Variants in GULP1 observed in about 807,000 individuals in gnomAD.
GULP1 encodes GULP PTB domain containing engulfment adaptor 1.
A neutral mutation model predicts 40.9 loss-of-function variants in GULP1; 19 were observed. That is an observed-to-expected ratio of 0.46 (90% confidence interval 0.32 to 0.68). The LOEUF (loss-of-function observed/expected upper bound fraction) is 0.68, where lower values mean the gene tolerates loss of function less well. Among genes scored for constraint, GULP1 ranks in the 30% least tolerant of loss-of-function variants. GULP1 has a pLI of 0.03. For synonymous variants in GULP1, 119 were observed against 117.6 expected, an observed-to-expected ratio of 1.01 and a Z score of -0.08; for missense variants, 312 against 362.2, an observed-to-expected ratio of 0.86 and a Z score of 1.12.
chr2:188,457,783 A>T (rs550176273), intron 2 of GULP1, among the ~76,000 whole-genome samples: 2 of 152,152 alleles, frequency 1.3e-5, no homozygotes, highest in African/African-American at 4.8e-5. Context: ...ATGACTATGC[A>T]TTCTTCTACT....
At chr2:188,569,212 G>A (rs1204530517) in intron 7 of GULP1, 27 bp from the exon 8 acceptor site, 1 of 1,105,694 alleles carries the variant, frequency 9.0e-7, no homozygotes, top group Non-Finnish European at 1.4e-6. Flanking sequence ...TTATTAAAAT[G>A]CAAATCTTTG....
intron 7 of GULP1, among the ~76,000 whole-genome samples, chr2:188,545,769 G>C (rs903916024): frequency 6.6e-6 from 1 of 151,904 alleles, no homozygotes; most frequent in Non-Finnish European, 1.5e-5. Context: ...AACTACACCA[G>C]TTAAAATATG....
At chr2:188,357,610 T>C (rs1484181697) in intron 1 of GULP1, among the ~76,000 whole-genome samples, 2 of 152,222 alleles carry the variant, frequency 1.3e-5, no homozygotes, top group Admixed American at 6.5e-5. Context: ...GAGGATAAAT[T>C]AGCACAGCTA....
At chr2:188,485,403 A>G (rs1045559149) in intron 4 of GULP1, among the ~76,000 whole-genome samples, 1 of 152,074 alleles carries the variant, frequency 6.6e-6, no homozygotes, top group Non-Finnish European at 1.5e-5. Flanking sequence ...ATATGGCCTC[A>G]TGAGTGATAA....
intron 1 of GULP1, among the ~76,000 whole-genome samples, chr2:188,364,788 A>G (rs1446679000): frequency 6.9e-6 from 1 of 144,182 alleles, no homozygotes; most frequent in African/African-American, 2.5e-5. Context: ...ATATATATAC[A>G]TATACATATC....
In GULP1 at chr2:188,584,016, G is replaced by A. The variant is rs561194192; in HGVS notation, c.610-249G>A. Among the ~76,000 whole-genome samples, 9 of 151,996 alleles carry A rather than the reference G, an allele frequency of 5.9e-5. No homozygotes were observed. The South Asian group carries it at 1.0e-3, about 18-fold the overall frequency. On this transcript the variant is annotated intron_variant, in intron 9 of 11. Coordinates refer to ENST00000409830, the MANE Select transcript of GULP1 (RefSeq NM_016315.4). ...ATTCATCTGGAATAATATTGTCACC[G>A]TTTTTGCCATCATCTTTGAGAGCAT...
intron 2 of GULP1, among the ~76,000 whole-genome samples, chr2:188,398,928 A>G (rs964799871): frequency 6.6e-6 from 1 of 152,234 alleles, no homozygotes; most frequent in Admixed American, 6.5e-5. Flanking sequence ...GGAAGTGGCT[A>G]TCTTAGAGAA....
At chr2:188,442,032 T>C (rs2057983336) in intron 2 of GULP1, among the ~76,000 whole-genome samples, 1 of 152,248 alleles carries the variant, frequency 6.6e-6, no homozygotes, top group Admixed American at 6.5e-5. Flanking sequence ...AATAGAAATG[T>C]ACTTTTGTTT....
intron 8 of GULP1, 138 bp downstream of exon 8, chr2:188,569,493 C>G: frequency 1.5e-6 from 1 of 667,326 alleles, no homozygotes; most frequent in Non-Finnish European, 2.7e-6. Flanking sequence ...ACCGTGTTCC[C>G]ATAATTTTTC....
intron 2 of GULP1, among the ~76,000 whole-genome samples, chr2:188,397,876 C>G (rs891515560): frequency 6.6e-6 from 1 of 152,186 alleles, no homozygotes; most frequent in African/African-American, 2.4e-5. Context: ...ATGGAAGCTA[C>G]GTTCTTTTAT....
intron 2 of GULP1, among the ~76,000 whole-genome samples, chr2:188,460,812 G>T (rs2059641079): frequency 6.6e-6 from 1 of 152,122 alleles, no homozygotes; most frequent in African/African-American, 2.4e-5. Context: ...TAATTATGTT[G>T]AGGTATGTTC....
intron 2 of GULP1, among the ~76,000 whole-genome samples, chr2:188,417,212 A>C (rs542994525): frequency 3.9e-5 from 6 of 152,214 alleles, no homozygotes; most frequent in African/African-American, 1.4e-4. Flanking sequence ...CTCTTAGGAC[A>C]TGATGTGGCT....
chr2:188,494,148 G>A (rs1431978053), intron 4 of GULP1, among the ~76,000 whole-genome samples: 16 of 151,948 alleles, frequency 1.1e-4, no homozygotes, highest in Admixed American at 1.1e-3. Context: ...AGCCAAGCCA[G>A]TTACTGGAAG....
chr2:188,378,613 G>C (rs2048609360), intron 1 of GULP1, among the ~76,000 whole-genome samples: 1 of 152,146 alleles, frequency 6.6e-6, no homozygotes, highest in South Asian at 2.1e-4. Flanking sequence ...AGTGGAGCCT[G>C]CATGAGCAGA....
chr2:188,584,155 A>C (rs1342267499), intron 9 of GULP1, 110 bp from the exon 10 acceptor site: 17 of 713,768 alleles, frequency 2.4e-5, no homozygotes, highest in Non-Finnish European at 3.3e-5. Context: ...GCAAATTCTT[A>C]TGATGCAACT....
chr2:188,296,948 G>GTC (rs146228320), intron 1 of GULP1, among the ~76,000 whole-genome samples: 6,805 of 151,680 alleles, frequency 0.045, 169 homozygotes, highest in Middle Eastern at 0.061. Flanking sequence ...CTCTTTGTCT[G>GTC]TCTCTCTCTC....
At chr2:188,530,317 A>T (rs2153233756) in intron 6 of GULP1, among the ~76,000 whole-genome samples, 1 of 152,288 alleles carries the variant, frequency 6.6e-6, no homozygotes, top group East Asian at 1.9e-4. Context: ...TTCAGCCCAT[A>T]ATACAGTGTA....
At position 188,410,165 on chromosome 2, in the gene GULP1, G is replaced by C. The variant is rs77361994; in HGVS notation, c.-45+26276G>C. On this transcript the variant is annotated intron_variant, in intron 2 of 11. Coordinates refer to ENST00000409830, the MANE Select transcript of GULP1 (RefSeq NM_016315.4). ...GCATGGAGAAGAATGAAATTAGACT[G>C]TCATTTCATGTCACATACAAAAATA... 1.2e-3 allele frequency among the ~76,000 whole-genome samples: 180 copies of C among 152,142 alleles called. 2 individuals carry two copies. Among genetic ancestry groups the C allele is most frequent in the African/African-American group, 3.9e-3 (163 of 41,504 alleles).
intron 2 of GULP1, among the ~76,000 whole-genome samples, chr2:188,429,836 G>A (rs1292582288): frequency 1.3e-5 from 2 of 151,478 alleles, no homozygotes; most frequent in Non-Finnish European, 2.9e-5. Flanking sequence ...TCAGCCTCCC[G>A]AGTAGCTGGG....
Sources: gnomAD v4.1 joint callset for allele counts (sites outside exome capture counted in the v4.1 genomes callset) on GRCh38, gnomAD v4.1.1 for gene constraint, MANE v1.5 for transcripts, NCBI Gene and HGNC (gene_info 2026-07-23, HGNC 2026-07-21) for gene names.